PDE4D: variants seen among roughly 807,000 people sequenced by gnomAD.
PDE4D encodes the protein phosphodiesterase 4D.
Under a neutral mutation model 87.4 loss-of-function variants are expected in PDE4D, and 24 were observed. That is an observed-to-expected ratio of 0.27 (90% CI 0.20 to 0.39). The LOEUF (loss-of-function observed/expected upper bound fraction) is 0.39. Ranked by LOEUF, PDE4D falls within the 10% of genes least tolerant of loss-of-function variation. The pLI, the probability that PDE4D is intolerant of heterozygous loss-of-function variation, is 1.00. For missense variants in PDE4D, 714 were observed against 1,041.0 expected (o/e 0.69, Z 4.32); for synonymous variants, 384 against 383.2 (o/e 1.00, Z -0.02).
intron 1 of PDE4D, among the ~76,000 whole-genome samples, chr5:59,396,846 T>C (rs1437813024): frequency 1.7e-5 from 2 of 115,486 alleles, no homozygotes; most frequent in Non-Finnish European, 3.6e-5. Context: ...CCATCTCACA[T>C]GCAGAGACAC....
In PDE4D at chr5:59,631,481, G is replaced by A. The variant is rs561616444; in HGVS notation, c.455+261687C>T. Among the ~76,000 whole-genome samples, 19 of 148,480 alleles carry A rather than the reference G, an allele frequency of 1.3e-4. No individual in the cohort carries two copies. The South Asian group carries it at 1.3e-3, about 10-fold the overall frequency. On this transcript the variant is annotated intron_variant, in intron 1 of 14. Transcript: ENST00000340635. The stretch of plus-strand genomic sequence containing the variant: ...AAGATGGCCAAATAGAAACAGCTCC[G>A]GCCTGCAGCTCCCAGTGAGATCAAC...
intron 1 of PDE4D, among the ~76,000 whole-genome samples, chr5:59,804,300 CTTA>C (rs1220059308): frequency 6.6e-6 from 1 of 152,188 alleles, no homozygotes; most frequent in Non-Finnish European, 1.5e-5. Context: ...AGTTACGTCT[CTTA>C]GAATAAATGG....
At chr5:59,906,801 C>T (rs2152766690) in intron 3 of PDE4D, among the ~76,000 whole-genome samples, 1 of 152,064 alleles carries the variant, frequency 6.6e-6, no homozygotes, top group East Asian at 1.9e-4. Flanking sequence ...TTAGTTCAAC[C>T]ATTGTAGGAA....
intron 1 of PDE4D, among the ~76,000 whole-genome samples, chr5:59,295,541 G>T (rs1227378090): frequency 6.6e-6 from 1 of 152,090 alleles, no homozygotes; most frequent in African/African-American, 2.4e-5. Flanking sequence ...CTGCTAGCCT[G>T]CCTAGTTCGT....
chr5:59,192,036 A>G (rs979226114), intron 3 of PDE4D, among the ~76,000 whole-genome samples: 6 of 152,278 alleles, frequency 3.9e-5, no homozygotes, highest in African/African-American at 1.4e-4. Flanking sequence ...GATATTAACC[A>G]TCTGAAAAGG....
intron 1 of PDE4D, among the ~76,000 whole-genome samples, chr5:59,573,324 A>G (rs960505574): frequency 3.3e-5 from 5 of 152,222 alleles, no homozygotes; most frequent in Admixed American, 1.3e-4. Flanking sequence ...ATTTTGATTC[A>G]CATGCCACCA....
chr5:60,493,591 TTCATTCA>T (rs1749652604), intron 1 of PDE4D, among the ~76,000 whole-genome samples: 1 of 60,922 alleles, frequency 1.6e-5, no homozygotes, highest in Non-Finnish European at 3.5e-5. Flanking sequence ...CAATCATTCA[TTCATTCA>T]TTCATTCATT....
chr5:59,401,573 C>CCA, intron 1 of PDE4D, among the ~76,000 whole-genome samples: 1 of 151,992 alleles, frequency 6.6e-6, no homozygotes, highest in South Asian at 2.1e-4. Flanking sequence ...GAGAGATGAG[C>CCA]TTTATACTGG....
At chr5:60,179,991 T>A (rs1225209243) in intron 2 of PDE4D, among the ~76,000 whole-genome samples, 1 of 152,202 alleles carries the variant, frequency 6.6e-6, no homozygotes, top group African/African-American at 2.4e-5. Flanking sequence ...TCTCCATTTT[T>A]TTGTATCTGT....
At chr5:59,897,363 A>T (rs1219315316), upstream of PDE4D, among the ~76,000 whole-genome samples, 1 of 152,156 alleles carries the variant, frequency 6.6e-6, no homozygotes, top group Non-Finnish European at 1.5e-5. Context: ...GAGAGCAAGC[A>T]CCATTTCTAT....
intron 6 of PDE4D, among the ~76,000 whole-genome samples, chr5:59,020,224 C>T (rs34662839): frequency 0.1 from 15,315 of 152,170 alleles, 1,034 homozygotes; most frequent in Non-Finnish European, 0.13. Context: ...CCTGTAATCC[C>T]AGCACTTTGG....
At chr5:59,376,930 G>A (rs1427025443) in intron 1 of PDE4D, among the ~76,000 whole-genome samples, 2 of 152,060 alleles carry the variant, frequency 1.3e-5, no homozygotes, top group Non-Finnish European at 2.9e-5. Flanking sequence ...AACAAGCATT[G>A]GAGAAAAGAT....
intron 1 of PDE4D, among the ~76,000 whole-genome samples, chr5:59,448,015 C>A (rs1163563357): frequency 1.3e-5 from 2 of 152,154 alleles, no homozygotes; most frequent in Admixed American, 6.5e-5. Context: ...GCTGTAGCAA[C>A]TGAAATATCA....
intron 8 of PDE4D, 21 bp from the exon 9 acceptor site, chr5:58,990,923 A>AT: frequency 8.1e-7 from 1 of 1,231,882 alleles, no homozygotes; most frequent in South Asian, 1.4e-5. Flanking sequence ...AAAAAAAAAA[A>AT]GATACTAAAA....
chr5:60,291,311 A>T (rs1752872013), intron 1 of PDE4D, among the ~76,000 whole-genome samples: 3 of 152,228 alleles, frequency 2.0e-5, no homozygotes, highest in Admixed American at 2.0e-4. Context: ...TACAGATTAA[A>T]TATCAAACTA....
chr5:59,150,043 G>C (rs1360398544), intron 5 of PDE4D, among the ~76,000 whole-genome samples: 3 of 152,134 alleles, frequency 2.0e-5, no homozygotes, highest in African/African-American at 7.2e-5. Flanking sequence ...TCATTATTTA[G>C]AGTCCTGTCA....
rs139328497 is a variant in PDE4D, at chr5:60,478,815, G to A, written c.-90+9127C>T. On this transcript the variant is annotated intron_variant, in intron 1 of 16. Transcript: ENST00000502484. The stretch of plus-strand genomic sequence containing the variant: ...TGCTTGCAGACTCATACCCAGTGCA[G>A]TTGACAATTTTAGTTCACTCAGAAT... 8.1e-3 allele frequency among the ~76,000 whole-genome samples: 1,241 copies of A among 152,288 alleles called. 12 individuals are homozygous for A. The highest frequency in any genetic ancestry group is 0.012 in the Non-Finnish European group (820 of 68,016).
chr5:59,531,254 T>C (rs1033192194), intron 1 of PDE4D, among the ~76,000 whole-genome samples: 13 of 152,164 alleles, frequency 8.5e-5, no homozygotes, highest in African/African-American at 2.7e-4. Context: ...CCTGTTTCCT[T>C]CATCTGAAAT....
intron 1 of PDE4D, among the ~76,000 whole-genome samples, chr5:59,289,310 T>C (rs112171196): frequency 2.4e-3 from 364 of 152,140 alleles, no homozygotes; most frequent in Non-Finnish European, 4.0e-3. Flanking sequence ...ATATATTATT[T>C]ACAAGCCTCC....
Sources: gnomAD v4.1 joint callset for allele counts (sites outside exome capture counted in the v4.1 genomes callset) on GRCh38, gnomAD v4.1.1 for gene constraint, MANE v1.5 for transcripts, NCBI Gene and HGNC (gene_info 2026-07-23, HGNC 2026-07-21) for gene names.